The following SOX5 variants were observed in gnomAD, a reference collection of about 807,000 sequenced individuals.
SOX5 encodes SRY-box transcription factor 5, also known as transcription factor SOX-5.
SOX5 carries 9 observed loss-of-function variants against 92.0 expected under a neutral mutation model. That is an observed-to-expected ratio of 0.10 (90% CI 0.06 to 0.17). The LOEUF (loss-of-function observed/expected upper bound fraction) is 0.17, where lower values mean the gene tolerates loss of function less well. Among genes scored for constraint, SOX5 ranks in the 10% least tolerant of loss-of-function variants. The pLI, the probability that SOX5 is intolerant of heterozygous loss-of-function variation, is 1.00. For synonymous variants in SOX5, 344 were observed against 336.3 expected (o/e 1.02, Z -0.25); for missense variants, 642 against 944.5 (o/e 0.68, Z 4.20).
At chr12:23,737,242 T>C (rs1265250069) in intron 5 of SOX5, among the ~76,000 whole-genome samples, 1 of 152,188 alleles carries the variant, frequency 6.6e-6, no homozygotes, top group East Asian at 1.9e-4. Flanking sequence ...TCCTGCTCCC[T>C]ATAGTTGATC....
chr12:24,429,561 G>T (rs1486715563), intron 1 of SOX5, among the ~76,000 whole-genome samples: 1 of 151,484 alleles, frequency 6.6e-6, no homozygotes, highest in Non-Finnish European at 1.5e-5. Context: ...TAAAAACAAT[G>T]ATTTATTTAC....
chr12:23,797,755 A>G (rs1684974402), intron 3 of SOX5, among the ~76,000 whole-genome samples: 4 of 152,048 alleles, frequency 2.6e-5, no homozygotes, highest in African/African-American at 9.7e-5. Flanking sequence ...AAAGCTTCCA[A>G]TAGCTTTCAC....
intron 6 of SOX5, among the ~76,000 whole-genome samples, chr12:23,669,738 C>T (rs557336288): frequency 4.9e-4 from 74 of 152,174 alleles, no homozygotes; most frequent in African/African-American, 1.7e-3. Context: ...TACTTGATGT[C>T]ACTCTACTTA....
intron 3 of SOX5, among the ~76,000 whole-genome samples, chr12:24,257,360 A>C (rs944338260): frequency 6.6e-6 from 1 of 152,344 alleles, no homozygotes; most frequent in African/African-American, 2.4e-5. Flanking sequence ...GGTGCATACA[A>C]AAATATGTGT....
At chr12:23,845,644 GA>G (rs397966085) in intron 3 of SOX5, among the ~76,000 whole-genome samples, 15 of 149,826 alleles carry the variant, frequency 1.0e-4, no homozygotes, top group African/African-American at 2.9e-4. Flanking sequence ...ATCCTCAAGG[GA>G]AAAAAAAATG....
At chr12:23,742,421 T>C (rs1047459716) in intron 4 of SOX5, among the ~76,000 whole-genome samples, 10 of 152,186 alleles carry the variant, frequency 6.6e-5, no homozygotes, top group African/African-American at 2.4e-4. Context: ...TAATAATTTA[T>C]TATATCTCAG....
chr12:23,591,062 T>A (rs911261601), intron 9 of SOX5, among the ~76,000 whole-genome samples: 1 of 151,406 alleles, frequency 6.6e-6, no homozygotes, highest in Non-Finnish European at 1.5e-5. Flanking sequence ...TTTCTTTTTG[T>A]CTTATTAAAT....
chr12:23,867,224 T>C (rs541793754), intron 2 of SOX5, among the ~76,000 whole-genome samples: 60 of 152,266 alleles, frequency 3.9e-4, no homozygotes, highest in African/African-American at 1.4e-3. Context: ...AATCACATAG[T>C]TCCATTAGTC....
At chr12:24,523,856 C>G (rs1341576427) in intron 1 of SOX5, among the ~76,000 whole-genome samples, 1 of 152,088 alleles carries the variant, frequency 6.6e-6, no homozygotes, top group Admixed American at 6.5e-5. Flanking sequence ...GGATATGACA[C>G]CAAAAGCATA....
intron 4 of SOX5, among the ~76,000 whole-genome samples, chr12:23,985,967 A>T (rs1031062985): frequency 6.6e-6 from 1 of 152,152 alleles, no homozygotes; most frequent in African/African-American, 2.4e-5. Flanking sequence ...CTTTCTCAAG[A>T]TAACAACTCT....
At chr12:23,663,785 T>C (rs2083393653) in intron 7 of SOX5, among the ~76,000 whole-genome samples, 1 of 151,564 alleles carries the variant, frequency 6.6e-6, no homozygotes, top group Non-Finnish European at 1.5e-5. Flanking sequence ...AAATTAAAAT[T>C]CTATTCATAG....
chr12:23,629,228 C>G (rs2078222579), intron 8 of SOX5, among the ~76,000 whole-genome samples: 1 of 152,024 alleles, frequency 6.6e-6, no homozygotes. Context: ...ATATGCAAAT[C>G]CTAACCATTG....
chr12:23,694,370 T>C (rs1043803827), intron 6 of SOX5, among the ~76,000 whole-genome samples: 7 of 152,184 alleles, frequency 4.6e-5, no homozygotes, highest in African/African-American at 1.7e-4. Flanking sequence ...AGGGCTCCAA[T>C]TATATATATG....
chr12:23,756,196 G>A (rs2094368066), intron 3 of SOX5, among the ~76,000 whole-genome samples: 1 of 151,130 alleles, frequency 6.6e-6, no homozygotes, highest in African/African-American at 2.4e-5. Context: ...TCGTGTGGCG[G>A]TAAGCACACT....
intron 6 of SOX5, among the ~76,000 whole-genome samples, chr12:23,713,892 G>C (rs1478871616): frequency 6.6e-6 from 1 of 151,312 alleles, no homozygotes; most frequent in African/African-American, 2.4e-5. Flanking sequence ...AGGAGTTCAA[G>C]ACCAGCCTGG....
At chr12:24,230,003 CA>C (rs1002903193) in intron 3 of SOX5, among the ~76,000 whole-genome samples, 5 of 152,146 alleles carry the variant, frequency 3.3e-5, no homozygotes, top group African/African-American at 1.2e-4. Context: ...TCAAAAATTT[CA>C]AATGAGATCC....
At chr12:24,228,367 G>C (rs1962560216) in intron 3 of SOX5, among the ~76,000 whole-genome samples, 1 of 152,186 alleles carries the variant, frequency 6.6e-6, no homozygotes, top group African/African-American at 2.4e-5. Flanking sequence ...TAAAATTCAT[G>C]TTCATGGGGA....
intron 2 of SOX5, among the ~76,000 whole-genome samples, chr12:24,367,611 G>A (rs1956302650): frequency 6.6e-6 from 1 of 152,094 alleles, no homozygotes; most frequent in Non-Finnish European, 1.5e-5. Context: ...AAAGATGATG[G>A]ATATGGTTTA....
chr12:23,869,125 T>C (rs1486351893), intron 2 of SOX5, among the ~76,000 whole-genome samples: 3 of 152,186 alleles, frequency 2.0e-5, no homozygotes, highest in African/African-American at 7.2e-5. Context: ...CATGACATGA[T>C]GAATATAAAT....
Sources: allele counts gnomAD v4.1 joint callset (sites outside exome capture counted in the v4.1 genomes callset), GRCh38; gene constraint gnomAD v4.1.1; transcripts MANE v1.5; gene names NCBI Gene and HGNC (gene_info 2026-07-23, HGNC 2026-07-21).